Variants in PCDH15 observed in about 807,000 individuals in gnomAD.
The protein encoded by PCDH15 is protocadherin related 15.
In PCDH15, 129 loss-of-function variants were observed where a neutral mutation model predicts 178.5. The ratio of observed to expected loss-of-function variants is 0.72; its 90% CI spans 0.63 to 0.84. The LOEUF (loss-of-function observed/expected upper bound fraction) is 0.84. PCDH15 is among the 40% of genes least tolerant of loss of function. PCDH15 has a pLI of 0.00. For missense variants in PCDH15, 2,230 were observed against 2,099.9 expected (o/e 1.06, Z -1.21); for synonymous variants, 800 against 732.0 (o/e 1.09, Z -1.50).
intron 1 of PCDH15, among the ~76,000 whole-genome samples, chr10:55,316,289 A>G (rs1843720442): frequency 6.6e-6 from 1 of 152,168 alleles, no homozygotes; most frequent in Admixed American, 6.5e-5. Flanking sequence ...GCTTGACAAG[A>G]CATGAACCAC....
At chr10:54,611,922 ATGT>A (rs1480090905) in intron 2 of PCDH15, among the ~76,000 whole-genome samples, 1 of 151,826 alleles carries the variant, frequency 6.6e-6, no homozygotes, top group African/African-American at 2.4e-5. Context: ...CTCCTCTTTC[ATGT>A]TGTTCCTCTT....
At chr10:55,071,494 C>T (rs1306956501) in intron 2 of PCDH15, among the ~76,000 whole-genome samples, 2 of 151,998 alleles carry the variant, frequency 1.3e-5, no homozygotes, top group Non-Finnish European at 2.9e-5. Flanking sequence ...TAAAAAGAGA[C>T]AAAGAAGGCC....
At chr10:54,465,427 T>C (rs1260898899) in intron 3 of PCDH15, among the ~76,000 whole-genome samples, 1 of 152,026 alleles carries the variant, frequency 6.6e-6, no homozygotes, top group Non-Finnish European at 1.5e-5. Context: ...CTCTGGCATC[T>C]AGCATACTAG....
intron 8 of PCDH15, among the ~76,000 whole-genome samples, chr10:54,253,241 T>C (rs1226430035): frequency 1.3e-5 from 2 of 152,114 alleles, no homozygotes. Flanking sequence ...TTAATTTTCA[T>C]ATGTTGATTG....
chr10:54,597,489 A>G (rs1484809890), intron 2 of PCDH15, among the ~76,000 whole-genome samples: 1 of 152,096 alleles, frequency 6.6e-6, no homozygotes, highest in Non-Finnish European at 1.5e-5. Flanking sequence ...CCCCCATCAA[A>G]AAGTTAGAAA....
chr10:54,452,187 A>C (rs1326046437), intron 3 of PCDH15, among the ~76,000 whole-genome samples: 6 of 152,026 alleles, frequency 3.9e-5, no homozygotes, highest in African/African-American at 1.4e-4. Flanking sequence ...GGAGGTGCTT[A>C]GGGCATACAT....
At chr10:55,468,969 A>G (rs1254975824) in intron 2 of PCDH15, 1 of 152,182 alleles carries the variant, frequency 6.6e-6, no homozygotes, top group African/African-American at 2.4e-5. Context: ...ATGTTCATCA[A>G]CTATGGGCTG....
intron 3 of PCDH15, among the ~76,000 whole-genome samples, chr10:54,451,946 A>G (rs971241414): frequency 6.6e-6 from 1 of 151,984 alleles, no homozygotes; most frequent in African/African-American, 2.4e-5. Flanking sequence ...TTTACAGGCT[A>G]GTCATCCTTA....
intron 2 of PCDH15, among the ~76,000 whole-genome samples, chr10:55,475,511 G>T (rs1589061905): frequency 6.6e-6 from 1 of 152,210 alleles, no homozygotes; most frequent in East Asian, 1.9e-4. Context: ...AATCCAAAAT[G>T]TGAAACTTTT....
rs1258132692 is a variant in PCDH15, at chr10:53,808,696, A to G, written c.4672-1566T>C. On this transcript the variant is annotated intron_variant, in intron 37 of 37. Transcript: ENST00000644397. The stretch of plus-strand genomic sequence containing the variant: ...TTCCACCTACTGTGATCTCTTTCAA[A>G]GTGCTGTGTTGTAACCTTCAGAGTT... 6.2e-7 allele frequency: 1 copy of G among 1,612,058 alleles called. No homozygotes were observed. The highest frequency in any genetic ancestry group is 8.5e-7 in the Non-Finnish European group (1 of 1,178,978).
chr10:55,140,936 A>T (rs1376200345), intron 2 of PCDH15, among the ~76,000 whole-genome samples: 2 of 151,612 alleles, frequency 1.3e-5, no homozygotes, highest in Non-Finnish European at 3.0e-5. Flanking sequence ...GTAGTGATAT[A>T]CTCTTTTTCA....
In PCDH15 at chr10:55,602,354, G is replaced by T. The variant is rs534147663; in HGVS notation, c.-156+25271C>A. Among the ~76,000 whole-genome samples, 11 of 70,534 alleles carry T rather than the reference G, an allele frequency of 1.6e-4. No homozygotes were observed. The East Asian group carries it at 7.2e-3, about 46-fold the overall frequency. 46.3% of individuals were successfully genotyped at this position (70,534 alleles called of 152,430 possible). On this transcript the variant is annotated intron_variant, in intron 2 of 5. Coordinates refer to the PCDH15 transcript ENST00000613346. ...CCAGGCTTGCTTAGGTAAAAAAAGC[G>T]GCTGGGAAGCTCGAACTGGGTGGAG...
chr10:53,917,676 T>G (rs757342453), intron 25 of PCDH15, among the ~76,000 whole-genome samples: 8 of 152,126 alleles, frequency 5.3e-5, no homozygotes, highest in Non-Finnish European at 1.2e-4. Flanking sequence ...TTCTAAAAGA[T>G]AAGAGAAGAA....
chr10:54,271,997 A>ATATATATATATCATATATATATATTT (rs1491442769), intron 8 of PCDH15, among the ~76,000 whole-genome samples: 6 of 143,520 alleles, frequency 4.2e-5, no homozygotes, highest in African/African-American at 1.3e-4. Flanking sequence ...CATATATATG[A>ATATATATATATCATATATATATATTT]TATATATATA....
intron 3 of PCDH15, among the ~76,000 whole-genome samples, chr10:54,464,460 GT>G (rs2077391247): frequency 6.6e-6 from 1 of 152,108 alleles, no homozygotes; most frequent in Non-Finnish European, 1.5e-5. Context: ...GGAACTAGGA[GT>G]TTATATGCAT....
intron 32 of PCDH15, chr10:53,823,703 A>G: frequency 2.1e-6 from 1 of 470,240 alleles, no homozygotes; most frequent in Non-Finnish European, 4.3e-6. Context: ...TGCACAAATC[A>G]CAGTTCTTCC....
At chr10:54,108,894 T>C (rs1237782466) in intron 15 of PCDH15, among the ~76,000 whole-genome samples, 3 of 152,066 alleles carry the variant, frequency 2.0e-5, no homozygotes, top group East Asian at 1.9e-4. Context: ...TGGGCAAAAA[T>C]AGAAACCTCT....
At position 55,120,529 on chromosome 10, in the gene PCDH15, A is replaced by C. The variant is rs147766627; in HGVS notation, c.-80+46047T>G. Among the ~76,000 whole-genome samples, 8 of 152,306 alleles carry C rather than the reference A, an allele frequency of 5.3e-5. No homozygotes were observed. In the East Asian group the frequency reaches 1.5e-3, roughly 30 times the overall value. On this transcript the variant is annotated intron_variant, in intron 2 of 5. Coordinates refer to the PCDH15 transcript ENST00000458638. The stretch of plus-strand genomic sequence containing the variant: ...ATCATTCCAATTTTGGAGAATAAAT[A>C]GAAGAGATCCCGGAAATGTAATTAA...
chr10:54,126,258 A>G (rs2041981467), intron 15 of PCDH15, among the ~76,000 whole-genome samples: 1 of 151,964 alleles, frequency 6.6e-6, no homozygotes, highest in Non-Finnish European at 1.5e-5. Context: ...TTTAGTAGAG[A>G]CAGGGATTCA....
Sources: allele counts gnomAD v4.1 joint callset (sites outside exome capture counted in the v4.1 genomes callset), GRCh38; gene constraint gnomAD v4.1.1; transcripts MANE v1.5; gene names NCBI Gene and HGNC (gene_info 2026-07-23, HGNC 2026-07-21).